PEG3: variants seen among roughly 807,000 people sequenced by gnomAD.
PEG3 encodes the protein paternally-expressed gene 3 protein.
Under a neutral mutation model 35.5 loss-of-function variants are expected in PEG3, and 23 were observed. The observed-to-expected ratio is 0.65, with a 90% CI of 0.47 to 0.92. The LOEUF is 0.92. PEG3 is among the 40% of genes least tolerant of loss of function. The probability of loss-of-function intolerance (pLI) is 0.00; values close to 1 mark genes in which losing one functional copy is unlikely to be tolerated. For synonymous variants in PEG3, 707 were observed against 697.0 expected, an observed-to-expected ratio of 1.01 and a Z score of -0.23; for missense variants, 1,960 against 1,985.3, an observed-to-expected ratio of 0.99 and a Z score of 0.24.
intron 2 of PEG3, chr19:56,833,575 A>C: frequency 5.4e-6 from 1 of 186,496 alleles, no homozygotes; most frequent in Non-Finnish European, 1.1e-5. Context: ...GATTCCTTCT[A>C]GGGCAGTGGT....
intron 2 of PEG3, chr19:56,833,493 T>C: frequency 3.7e-6 from 1 of 267,536 alleles, no homozygotes; most frequent in South Asian, 4.0e-5. Flanking sequence ...CTACGTCACC[T>C]CCCAGTTTAA....
intron 7 of PEG3, among the ~76,000 whole-genome samples, chr19:56,821,447 A>G (rs1601024567): frequency 6.6e-6 from 1 of 152,240 alleles, no homozygotes; most frequent in East Asian, 1.9e-4. Context: ...AGCTCCTCTG[A>G]CCACATGAAC....
At chr19:56,836,969 CAAAAAAAAAAAAAAAAAAAA>C (rs573566620) in intron 1 of PEG3, among the ~76,000 whole-genome samples, 6 of 116,972 alleles carry the variant, frequency 5.1e-5, no homozygotes, top group Admixed American at 8.4e-5. Flanking sequence ...GACTCTGTCT[CAAAAAAAAAAAAAAAAAAAA>C]AAAAAAAAAA....
rs1453922125 is a variant in PEG3, at chr19:56,813,668, C to T, written c.*7G>A. 1.2e-6 allele frequency: 2 copies of T among 1,608,914 alleles called. No individual in the cohort carries two copies. The highest frequency in any genetic ancestry group is 1.7e-6 in the Non-Finnish European group (2 of 1,176,124). On this transcript the variant is annotated 3_prime_UTR_variant, in exon 10 of 10. Transcript: ENST00000326441. ...GGTGAAGGTTTTCTAACCTTTACCC[C>T]ATGCCCTCAGCCAGTGTGGGTATTC...
chr19:56,832,989 G>GA (rs1463823870), intron 2 of PEG3, among the ~76,000 whole-genome samples: 3 of 152,156 alleles, frequency 2.0e-5, no homozygotes, highest in Non-Finnish European at 4.4e-5. Context: ...TAATAAAGAT[G>GA]AAACTCATCA....
chr19:56,822,683 T>C, intron 6 of PEG3, 70 bp downstream of exon 6: 4 of 1,579,246 alleles, frequency 2.5e-6, no homozygotes, highest in South Asian at 1.2e-5. Flanking sequence ...GCCCTGGCAC[T>C]TTCCCCTTGA....
chr19:56,811,802 C>G lies in PEG3; in HGVS notation c.*1873G>C, dbSNP rs1477702566. The G allele has an allele frequency of 1.0e-6, 1 of 985,454 alleles. No homozygotes were observed. Among genetic ancestry groups the G allele is most frequent in the East Asian group, 1.1e-4 (1 of 8,820 alleles). The allele number at this position is 985,454 out of a possible 1,614,324, so 61.0% of individuals were successfully genotyped here. ...CATCAAAAACTCCTTTTCCAAACTG[C>G]TCAGGACACCCCGCTCAATTCATTC... On this transcript the variant is annotated 3_prime_UTR_variant, in exon 10 of 10. Transcript: ENST00000326441.
In PEG3 at chr19:56,813,004, G is replaced by A; in HGVS notation, c.*671C>T. 1.0e-6 allele frequency: 1 copy of A among 985,670 alleles called. No homozygotes were observed. Among genetic ancestry groups the A allele is most frequent in the Non-Finnish European group, 1.2e-6 (1 of 829,846 alleles). 61.1% of individuals were successfully genotyped at this position (985,670 alleles called of 1,614,324 possible). ...GAAATGGCTGCAGAAAGAAGCTAAA[G>A]TACTTATCTTTTCAAACAGTAAGGA... On this transcript the variant is annotated 3_prime_UTR_variant, in exon 10 of 10. Coordinates refer to ENST00000326441, the MANE Select transcript of PEG3 (RefSeq NM_006210.3).
Position 56,810,668 on chromosome 19 carries a change from A to C in PEG3, c.*3007T>G. 1.0e-6 allele frequency: 1 copy of C among 967,612 alleles called. No individual in the cohort carries two copies. Among genetic ancestry groups the C allele is most frequent in the Non-Finnish European group, 1.2e-6 (1 of 813,718 alleles). The allele number at this position is 967,612 out of a possible 1,614,324, so 59.9% of individuals were successfully genotyped here. A position where few individuals can be genotyped will look rare whatever the true frequency, so the allele number is the denominator to read the frequency against. ...ACAAAATATTTAACCAAATTCCCAC[A>C]ATGACAACACTATTTTAGTTATTTT... On this transcript the variant is annotated 3_prime_UTR_variant, in exon 10 of 10. Coordinates refer to ENST00000326441, the MANE Select transcript of PEG3 (RefSeq NM_006210.3).
intron 7 of PEG3, 35 bp downstream of exon 7, chr19:56,821,616 T>C (rs1353719801): frequency 6.2e-7 from 1 of 1,609,462 alleles, no homozygotes; most frequent in Non-Finnish European, 8.5e-7. Flanking sequence ...GAAATGAAGA[T>C]GGCCTTTCTA....
At chr19:56,839,016 G>C (rs1167126203) in intron 1 of PEG3, among the ~76,000 whole-genome samples, 5 of 152,090 alleles carry the variant, frequency 3.3e-5, no homozygotes, top group Non-Finnish European at 5.9e-5. Flanking sequence ...GGCAACGCCT[G>C]CGCGGCAAAC....
intron 7 of PEG3, among the ~76,000 whole-genome samples, chr19:56,819,197 A>C (rs2060252810): frequency 6.6e-6 from 1 of 152,190 alleles, no homozygotes; most frequent in Non-Finnish European, 1.5e-5. Context: ...AACAGAAAGA[A>C]GACACACACA....
chr19:56,823,529 C>G, intron 5 of PEG3, 64 bp downstream of exon 5: 2 of 1,605,218 alleles, frequency 1.2e-6, no homozygotes, highest in Admixed American at 1.7e-5. Flanking sequence ...CCCACTGTGT[C>G]TCCATCTGGA....
rs1238521275 is a variant in PEG3 at position 56,816,476 on chromosome 19, C to G, written c.1966G>C (p.Glu656Gln). Residue 656 changes from glutamate to glutamine, a missense_variant, in exon 10 of 10, where the codon GAA becomes CAA. This residue lies in a region of PEG3 where 798 missense variants were observed against 782.4 expected (regional missense o/e 1.02). Transcript: ENST00000326441. The part of the protein sequence containing the change: ...QKIHTRGNPF[E>Q]NKGKVCEETF... ...TCCTCACACACTTTACCCTTGTTTT[C>G]AAATGGGTTCCCTCTAGTATGGATT... is the stretch of plus-strand genomic sequence containing the variant. 4 of 1,613,382 alleles carry G rather than the reference C, an allele frequency of 2.5e-6. No individual in the cohort carries two copies. The highest frequency in any genetic ancestry group is 1.3e-5 in the African/African-American group (1 of 74,842).
At chr19:56,840,544 G>GGGCAGGAGGCGCGCGGGGC (rs1338171976) in intron 1 of PEG3, 38 bp downstream of exon 1, 44 of 152,322 alleles carry the variant, frequency 2.9e-4, no homozygotes, top group African/African-American at 1.1e-3. Context: ...AAGGTCCCGC[G>GGGCAGGAGGCGCGCGGGGC]GGCAGGAGGC....
In PEG3 at chr19:56,815,497, G is replaced by A. The variant is rs2059898183; in HGVS notation, c.2945C>T (p.Ser982Phe). 1.9e-6 allele frequency: 3 copies of A among 1,614,040 alleles called. No homozygotes were observed. Among genetic ancestry groups the A allele is most frequent in the African/African-American group, 1.3e-5 (1 of 74,924 alleles). The change falls in exon 10 of 10, where the codon TCT (serine) becomes TTT (phenylalanine). Residue 982 changes from serine to phenylalanine, a missense_variant. Ser to Phe is a radical substitution (Grantham distance 155, BLOSUM62 -2). Coordinates refer to ENST00000326441, the MANE Select transcript of PEG3 (RefSeq NM_006210.3). ...AATCTTCTGGTGCTCAGTGAGGTCA[G>A]AGCTATGAGCAAAGCACTCCCCACA... The part of the protein sequence containing the change: ...QECGECFAHS[S>F]DLTEHQKIHD...
At chr19:56,817,896 C>G in intron 8 of PEG3, 61 bp from the exon 9 acceptor site, 1 of 1,339,004 alleles carries the variant, frequency 7.5e-7, no homozygotes, top group South Asian at 1.2e-5. Flanking sequence ...GACTCATCAC[C>G]ATAAATTGAT....
At position 56,836,037 on chromosome 19, in the gene PEG3, G is replaced by A. The variant is rs780681920; in HGVS notation, c.-182C>T. On this transcript the variant is annotated 5_prime_UTR_variant, in exon 2 of 10. The change creates a new upstream start codon in the 5' untranslated region. Transcript: ENST00000326441. ...ACTCACCTGGACCCAGCCACCTAGC[G>A]TTTGGACCTAGTCCCTCTTCCTCTC... 2.0e-5 allele frequency: 10 copies of A among 511,776 alleles called. No individual in the cohort carries two copies. The highest frequency in any genetic ancestry group is 1.2e-4 in the African/African-American group (6 of 51,976). The allele number at this position is 511,776 out of a possible 1,614,324, so 31.7% of individuals were successfully genotyped here. A position where few individuals can be genotyped will look rare whatever the true frequency, so the allele number is the denominator to read the frequency against.
rs866874557 is a variant in PEG3, at chr19:56,810,141, A to G, written c.*3534T>C. 1 of 973,470 alleles carries G rather than the reference A, an allele frequency of 1.0e-6. No homozygotes were observed. The highest frequency in any genetic ancestry group is 1.2e-6 in the Non-Finnish European group (1 of 819,108). 60.3% of individuals were successfully genotyped at this position (973,470 alleles called of 1,614,324 possible). On this transcript the variant is annotated 3_prime_UTR_variant, in exon 10 of 10. Transcript: ENST00000326441. ...TTACAGATAGAATGACCACAACCAT[A>G]TTAACAAACCAAAAACCTGTGCACA... is the stretch of plus-strand genomic sequence containing the variant.
Sources: allele counts gnomAD v4.1 joint callset (sites outside exome capture counted in the v4.1 genomes callset), GRCh38; gene constraint gnomAD v4.1.1; regional missense constraint gnomAD v4.1.1; transcripts MANE v1.5; gene names NCBI Gene and HGNC (gene_info 2026-07-23, HGNC 2026-07-21).